The following MAP2 variants were observed in gnomAD, a reference collection of about 807,000 sequenced individuals.
MAP2 encodes the protein microtubule-associated protein 2.
Under a neutral mutation model 137.6 loss-of-function variants are expected in MAP2, and 14 were observed. The ratio of observed to expected loss-of-function variants is 0.10; its 90% CI spans 0.07 to 0.16. The LOEUF is 0.16. MAP2 is among the 10% of genes least tolerant of loss of function. The pLI, the probability that MAP2 is intolerant of heterozygous loss-of-function variation, is 1.00. For synonymous variants in MAP2, 786 were observed against 782.3 expected (o/e 1.00, Z -0.08); for missense variants, 2,088 against 2,191.5 (o/e 0.95, Z 0.94).
At chr2:209,587,758 C>T (rs1281137271) in intron 3 of MAP2, among the ~76,000 whole-genome samples, 1 of 152,140 alleles carries the variant, frequency 6.6e-6, no homozygotes, top group Non-Finnish European at 1.5e-5. Flanking sequence ...GTGTCCTCAT[C>T]CTTATTAGCA....
At chr2:209,722,627 A>C (rs2071677056) in intron 13 of MAP2, among the ~76,000 whole-genome samples, 1 of 152,182 alleles carries the variant, frequency 6.6e-6, no homozygotes. Flanking sequence ...CTTTCTTTCC[A>C]TGCTTATATT....
chr2:209,630,315 G>C (rs965032045), intron 4 of MAP2, among the ~76,000 whole-genome samples: 1 of 152,118 alleles, frequency 6.6e-6, no homozygotes, highest in Non-Finnish European at 1.5e-5. Context: ...TCCCTCTGTA[G>C]CTCTCTTTAA....
chr2:209,537,027 A>G (rs1210401487), intron 2 of MAP2, among the ~76,000 whole-genome samples: 1 of 152,054 alleles, frequency 6.6e-6, no homozygotes, highest in African/African-American at 2.4e-5. Flanking sequence ...AGGCATACCT[A>G]ATTTTGTTGT....
intron 1 of MAP2, among the ~76,000 whole-genome samples, chr2:209,457,403 A>C (rs1361812049): frequency 1.3e-5 from 2 of 152,230 alleles, no homozygotes; most frequent in African/African-American, 4.8e-5. Flanking sequence ...ATACATGCAC[A>C]AGTGCATCCT....
In MAP2 at chr2:209,730,683, C is replaced by G. The variant is rs1018079801; in HGVS notation, c.*286C>G. ...TGGAGTATTATTATTTTAAAAATTGCATTTTTACCTTTCATGTGCCTGAAG... is the reference window on the plus strand; with the variant it reads ...TGGAGTATTATTATTTTAAAAATTGGATTTTTACCTTTCATGTGCCTGAAG... On this transcript the variant is annotated 3_prime_UTR_variant, in exon 16 of 16. Coordinates refer to ENST00000682079, the MANE Select transcript of MAP2 (RefSeq NM_001375505.1). The G allele has an allele frequency of 6.6e-5, 22 of 335,690 alleles. No homozygotes were observed. The highest frequency in any genetic ancestry group is 7.8e-5 in the Non-Finnish European group (14 of 179,710). The allele number at this position is 335,690 out of a possible 1,614,324, so 20.8% of individuals were successfully genotyped here. A position where few individuals can be genotyped will look rare whatever the true frequency, so the allele number is the denominator to read the frequency against.
chr2:209,625,240 G>C (rs2092072310), intron 4 of MAP2, 111 bp downstream of exon 4: 1 of 151,960 alleles, frequency 6.6e-6, no homozygotes, highest in Non-Finnish European at 1.5e-5. Flanking sequence ...TTTAGTAATG[G>C]AGAAATAACT....
At chr2:209,554,904 TATA>T (rs1387813674) in intron 2 of MAP2, among the ~76,000 whole-genome samples, 1 of 148,146 alleles carries the variant, frequency 6.8e-6, no homozygotes, top group Non-Finnish European at 1.5e-5. Flanking sequence ...ATGCATTAAA[TATA>T]ATATATACAC....
chr2:209,654,572 G>T (rs2095019766), intron 5 of MAP2, among the ~76,000 whole-genome samples: 1 of 152,148 alleles, frequency 6.6e-6, no homozygotes, highest in Admixed American at 6.5e-5. Context: ...ATTATTGGTG[G>T]TAGTGGTGGT....
At chr2:209,424,485 C>G (rs909476691) in intron 1 of MAP2, among the ~76,000 whole-genome samples, 4 of 152,160 alleles carry the variant, frequency 2.6e-5, no homozygotes, top group African/African-American at 9.7e-5. Context: ...GAGCAGGGGG[C>G]CGGACGCTAC....
intron 1 of MAP2, among the ~76,000 whole-genome samples, chr2:209,456,016 T>C (rs1161713518): frequency 6.6e-6 from 1 of 152,174 alleles, no homozygotes; most frequent in Non-Finnish European, 1.5e-5. Context: ...TGACAACTCC[T>C]TAGGACTCAA....
chr2:209,652,787 G>A (rs1366837546), intron 4 of MAP2, among the ~76,000 whole-genome samples: 1 of 152,100 alleles, frequency 6.6e-6, no homozygotes, highest in Non-Finnish European at 1.5e-5. Flanking sequence ...CAACATTCAA[G>A]ACCATAATTA....
intron 2 of MAP2, among the ~76,000 whole-genome samples, chr2:209,521,690 A>C (rs2063311011): frequency 6.6e-6 from 1 of 152,086 alleles, no homozygotes; most frequent in South Asian, 2.1e-4. Context: ...CAAAGATAAC[A>C]TCAAAAGCAC....
chr2:209,609,296 C>A (rs751054271), intron 3 of MAP2, among the ~76,000 whole-genome samples: 2 of 151,970 alleles, frequency 1.3e-5, no homozygotes, highest in African/African-American at 4.8e-5. Flanking sequence ...CATGAATTAA[C>A]ATATGTCATT....
chr2:209,601,454 T>C (rs2082974845), intron 3 of MAP2, among the ~76,000 whole-genome samples: 1 of 152,180 alleles, frequency 6.6e-6, no homozygotes, highest in African/African-American at 2.4e-5. Context: ...AAAAATACTG[T>C]GTTTTAAAGA....
intron 2 of MAP2, among the ~76,000 whole-genome samples, chr2:209,551,144 G>A (rs2069094893): frequency 1.3e-5 from 2 of 152,066 alleles, no homozygotes; most frequent in African/African-American, 4.8e-5. Flanking sequence ...TATAGGGCTA[G>A]GTAGAAAACA....
Position 209,676,347 on chromosome 2 carries a change from A to ATCAACATC in MAP2, c.263-2224_263-2217dup, listed in dbSNP as rs200540566. On this transcript the variant is annotated intron_variant, in intron 5 of 15. Coordinates refer to ENST00000682079, the MANE Select transcript of MAP2 (RefSeq NM_001375505.1). ...CTAAATGATGAGAACACATGGACAC[A>ATCAACATC]TCAACATCAAGGGGAACAACACACA... Among the ~76,000 whole-genome samples the ATCAACATC allele has an allele frequency of 7.7e-3, 1,175 of 151,960 alleles. 8 individuals are homozygous for ATCAACATC. The highest frequency in any genetic ancestry group is 0.027 in the South Asian group (131 of 4,824).
At chr2:209,699,436 C>G (rs1445714305) in intron 10 of MAP2, among the ~76,000 whole-genome samples, 1 of 152,082 alleles carries the variant, frequency 6.6e-6, no homozygotes, top group Non-Finnish European at 1.5e-5. Context: ...GCCCAATTTT[C>G]AAACATAGAT....
intron 1 of MAP2, among the ~76,000 whole-genome samples, chr2:209,505,234 T>C (rs1315747794): frequency 2.0e-5 from 3 of 152,318 alleles, no homozygotes; most frequent in Middle Eastern, 3.4e-3. Context: ...CCAAAAGATG[T>C]ACCTCACAGT....
chr2:209,466,889 TTC>T (rs1202257489), intron 1 of MAP2, among the ~76,000 whole-genome samples: 6 of 152,188 alleles, frequency 3.9e-5, no homozygotes, highest in Admixed American at 3.9e-4. Flanking sequence ...AGACTTGAAT[TTC>T]TCTCTTTTCC....
Sources: allele counts gnomAD v4.1 joint callset (sites outside exome capture counted in the v4.1 genomes callset), GRCh38; gene constraint gnomAD v4.1.1; transcripts MANE v1.5; gene names NCBI Gene and HGNC (gene_info 2026-07-23, HGNC 2026-07-21).